The following AP2A2 variants were observed in gnomAD, a reference collection of about 807,000 sequenced individuals.
The protein encoded by AP2A2 is AP-2 complex subunit alpha-2.
Under a neutral mutation model 104.2 loss-of-function variants are expected in AP2A2, and 32 were observed. The ratio of observed to expected loss-of-function variants is 0.31; its 90% confidence interval spans 0.23 to 0.41. The LOEUF (loss-of-function observed/expected upper bound fraction) is 0.41. AP2A2 is among the 10% of genes least tolerant of loss of function. AP2A2 has a pLI of 1.00. For synonymous variants in AP2A2, 539 were observed against 533.3 expected (o/e 1.01, Z -0.15); for missense variants, 912 against 1,261.0 (o/e 0.72, Z 4.19).
chr11:956,372 A>G (rs1854235339), intron 1 of AP2A2, among the ~76,000 whole-genome samples: 1 of 152,120 alleles, frequency 6.6e-6, no homozygotes, highest in African/African-American at 2.4e-5. Flanking sequence ...CACGTTGGCT[A>G]GGCTGGTCTC....
intron 1 of AP2A2, among the ~76,000 whole-genome samples, chr11:936,521 G>A (rs1439160839): frequency 4.6e-5 from 7 of 151,982 alleles, no homozygotes; most frequent in Non-Finnish European, 8.8e-5. Context: ...AGCTTCTTGA[G>A]TGGCTGGGAC....
rs748221608 is a variant in AP2A2, at chr11:988,639, G to A, written c.1219G>A (p.Glu407Lys). ...CAGCAACGCCCCACAGATCGTGGCC[G>A]AGATGCTGAGCTATCTGGAGACAGC... The part of the protein sequence containing the change: ...DRSNAPQIVA[E>K]MLSYLETADY... The change falls in exon 10 of 22, where the codon GAG becomes AAG. Residue 407 changes from glutamate (E) to lysine (K), a missense_variant. By Grantham distance (56) the Glu-to-Lys change is moderately conservative (BLOSUM62 1). Around this residue, in one of 7 missense-constraint regions of AP2A2, gnomAD observed 350 missense variants for 487.0 expected, o/e 0.72. Transcript: ENST00000448903. 7 of 1,613,676 alleles carry A rather than the reference G, an allele frequency of 4.3e-6. No homozygotes were observed. Among genetic ancestry groups the A allele is most frequent in the Non-Finnish European group, 5.9e-6 (7 of 1,179,888 alleles).
chr11:950,745 G>C (rs967652003), intron 1 of AP2A2, among the ~76,000 whole-genome samples: 1 of 152,084 alleles, frequency 6.6e-6, no homozygotes, highest in Admixed American at 6.6e-5. Flanking sequence ...TAAAGGGCTC[G>C]TTATTTAGAA....
intron 7 of AP2A2, 32 bp downstream of exon 7, chr11:984,785 A>C (rs540828323): frequency 9.3e-6 from 14 of 1,499,548 alleles, no homozygotes; most frequent in Non-Finnish European, 1.2e-5. Context: ...CTGAAGCTGC[A>C]CCAGTGCCAG....
At chr11:1,007,922 C>A (rs968887138) in intron 17 of AP2A2, 90 bp from the exon 18 acceptor site, 1 of 1,536,748 alleles carries the variant, frequency 6.5e-7, no homozygotes, top group Non-Finnish European at 8.8e-7. Flanking sequence ...TGAGTGTGCT[C>A]GCCTCCACGG....
rs796183954 is a variant in AP2A2, at chr11:998,508, C to G, written c.1957-1924C>G. 5.3e-5 allele frequency among the ~76,000 whole-genome samples: 8 copies of G among 152,044 alleles called. No individual in the cohort carries two copies. In the South Asian group the frequency reaches 6.2e-4, roughly 12 times the overall value. ...ATGTAAAATGGCATTCAGGTGGAGT[C>G]TCAGATAATTACAAACTAATTTTTT... On this transcript the variant is annotated intron_variant, in intron 14 of 21. Transcript: ENST00000448903.
At chr11:972,027 A>T in intron 3 of AP2A2, 35 bp from the exon 4 acceptor site, 1 of 1,582,596 alleles carries the variant, frequency 6.3e-7, no homozygotes, top group Non-Finnish European at 8.6e-7. Flanking sequence ...TTGGATTGTC[A>T]TGAGCTTTCT....
At chr11:928,487 A>T (rs1853188007) in intron 1 of AP2A2, among the ~76,000 whole-genome samples, 1 of 152,204 alleles carries the variant, frequency 6.6e-6, no homozygotes. Context: ...AAAATACTTG[A>T]CTATATAGAC....
chr11:988,798 A>G lies in AP2A2; in HGVS notation c.1269+109A>G, dbSNP rs904455683. 22 of 1,388,162 alleles carry G rather than the reference A, an allele frequency of 1.6e-5. No homozygotes were observed. In the African/African-American group the frequency reaches 2.0e-4, roughly 13 times the overall value. 86.0% of individuals were successfully genotyped at this position (1,388,162 alleles called of 1,614,324 possible). ...TCCAGCAGGACTTGATTGAGAACCCATGAGATGCTGAATACAAGGCTCCTC... is the reference window on the plus strand; with the variant it reads ...TCCAGCAGGACTTGATTGAGAACCCGTGAGATGCTGAATACAAGGCTCCTC... On this transcript the variant is annotated intron_variant, in intron 10 of 21. Coordinates refer to ENST00000448903, the MANE Select transcript of AP2A2 (RefSeq NM_012305.4).
At chr11:975,344 G>A (rs1415595221) in intron 4 of AP2A2, among the ~76,000 whole-genome samples, 1 of 150,894 alleles carries the variant, frequency 6.6e-6, no homozygotes, top group Non-Finnish European at 1.5e-5. Flanking sequence ...GCTGACGTCG[G>A]AGAGTAGTGG....
Position 982,158 on chromosome 11 carries a change from C to T in AP2A2, c.705+859C>T, listed in dbSNP as rs892227656. The stretch of plus-strand genomic sequence containing the variant: ...CTCTGTCTCCTGGATTCAAGGGATT[C>T]TCCTGCCTCAGCCTCCAGAGTAGCT... On this transcript the variant is annotated intron_variant, in intron 6 of 21. Coordinates refer to ENST00000448903, the MANE Select transcript of AP2A2 (RefSeq NM_012305.4). 2.1e-4 allele frequency among the ~76,000 whole-genome samples: 32 copies of T among 152,208 alleles called. 1 individual carries two copies.
Position 986,947 on chromosome 11 carries a change from C to G in AP2A2, c.1125C>G (p.Ala375=). 6.3e-7 allele frequency: 1 copy of G among 1,580,828 alleles called. No individual in the cohort carries two copies. Among genetic ancestry groups the G allele is most frequent in the South Asian group, 1.2e-5 (1 of 86,088 alleles). Residue 375 remains alanine, a synonymous_variant, in exon 9 of 22, where the codon GCC becomes GCG. Transcript: ENST00000448903. ...VKTHIETVIN[A]LKTERDVSVR... ...CGCACATCGAGACGGTCATCAACGC[C>G]CTGAAGGCGAGTGCCCTGTCCTTGG...
intron 1 of AP2A2, among the ~76,000 whole-genome samples, chr11:940,539 T>A (rs913816471): frequency 6.6e-6 from 1 of 152,212 alleles, no homozygotes; most frequent in Non-Finnish European, 1.5e-5. Flanking sequence ...CTGCTGTCAG[T>A]TTTATAGCTT....
intron 4 of AP2A2, among the ~76,000 whole-genome samples, chr11:974,637 T>G (rs1206328079): frequency 1.5e-5 from 2 of 129,738 alleles, no homozygotes; most frequent in African/African-American, 3.0e-5. Flanking sequence ...AGTTGGAGAT[T>G]GCACCACTAC....
intron 2 of AP2A2, among the ~76,000 whole-genome samples, chr11:961,559 A>G (rs1363369070): frequency 7.2e-6 from 1 of 139,338 alleles, no homozygotes; most frequent in Non-Finnish European, 1.5e-5. Flanking sequence ...GCAGATGGAG[A>G]TGTGGGTCTG....
intron 5 of AP2A2, among the ~76,000 whole-genome samples, chr11:979,291 ACT>A (rs1333541835): frequency 2.0e-5 from 3 of 150,052 alleles, no homozygotes; most frequent in Admixed American, 6.7e-5. Context: ...GTGGGGAATG[ACT>A]CTGCCCTCAT....
intron 1 of AP2A2, among the ~76,000 whole-genome samples, chr11:956,033 T>G (rs532612883): frequency 6.6e-6 from 1 of 152,290 alleles, no homozygotes; most frequent in African/African-American, 2.4e-5. Context: ...GTCAGCTTTA[T>G]TATTGCTTTA....
chr11:951,537 AAAG>A (rs981437864), intron 1 of AP2A2, among the ~76,000 whole-genome samples: 3 of 152,226 alleles, frequency 2.0e-5, no homozygotes, highest in African/African-American at 7.2e-5. Context: ...AAAAAAAAAA[AAAG>A]AACGTGTGAG....
rs1855722346 is a variant in AP2A2, at chr11:993,247, C to T, written c.1453-37C>T. On this transcript the variant is annotated intron_variant, in intron 11 of 21. Transcript: ENST00000448903. This position sits in a 1 kb window ranked among gnomAD's most constrained non-coding sequence, Gnocchi z 8.2. Reference sequence around the variant, plus strand: ...GCCCGCCTCGCCTTAACTCTGGCACCTGGCTGCCACCCCGGCTCATTGTTT... The same window carrying T: ...GCCCGCCTCGCCTTAACTCTGGCACTTGGCTGCCACCCCGGCTCATTGTTT... The T allele has an allele frequency of 9.0e-6, 14 of 1,559,156 alleles. No homozygotes were observed. Among genetic ancestry groups the T allele is most frequent in the African/African-American group, 1.4e-5 (1 of 72,884 alleles).
Sources: gnomAD v4.1 joint callset for allele counts (sites outside exome capture counted in the v4.1 genomes callset) on GRCh38, gnomAD v4.1.1 for gene constraint, gnomAD v4.1.1 regional missense constraint, Gnocchi (gnomAD v3.1) non-coding constraint, MANE v1.5 for transcripts, NCBI Gene and HGNC (gene_info 2026-07-23, HGNC 2026-07-21) for gene names.